The following ADGRV1 variants were observed in gnomAD, a reference collection of about 807,000 sequenced individuals.
The protein encoded by ADGRV1 is G-protein coupled receptor 98.
ADGRV1 carries 359 observed loss-of-function variants against 596.2 expected under a neutral mutation model. The observed-to-expected ratio is 0.60, with a 90% CI of 0.55 to 0.66. The LOEUF (loss-of-function observed/expected upper bound fraction) is 0.66. Among genes scored for constraint, ADGRV1 ranks in the 30% least tolerant of loss-of-function variants. ADGRV1 has a pLI of 0.00. For synonymous variants in ADGRV1, 2,681 were observed against 2,679.2 expected (o/e 1.00, Z -0.02); for missense variants, 7,274 against 7,575.6 (o/e 0.96, Z 1.48).
At chr5:90,721,576 T>TAAAAATAAAATAAAAATAAAATATAAA (rs1554094707) in intron 45 of ADGRV1, among the ~76,000 whole-genome samples, 77 of 119,920 alleles carry the variant, frequency 6.4e-4, no homozygotes, top group Non-Finnish European at 9.8e-4. Context: ...TAAAATAAAA[T>TAAAAATAAAATAAAAATAAAATATAAA]AAAATAAAAT....
chr5:90,936,301 CACAT>C (rs1359222256), intron 83 of ADGRV1, among the ~76,000 whole-genome samples: 1 of 152,104 alleles, frequency 6.6e-6, no homozygotes, highest in Admixed American at 6.5e-5. Flanking sequence ...CTCACACACA[CACAT>C]ACATGCACAT....
intron 83 of ADGRV1, among the ~76,000 whole-genome samples, chr5:90,915,939 T>C (rs1281340937): frequency 6.6e-6 from 1 of 152,112 alleles, no homozygotes; most frequent in Admixed American, 6.5e-5. Context: ...CCCTTGAAAG[T>C]TTTTGATCCC....
rs1219208338 is a variant in ADGRV1 at position 90,716,882 on chromosome 5, T to G, written c.9447+153T>G. The G allele has an allele frequency of 5.0e-6, 3 of 599,424 alleles. No individual in the cohort carries two copies. In the East Asian group the frequency reaches 8.3e-5, roughly 17 times the overall value. 37.1% of individuals were successfully genotyped at this position (599,424 alleles called of 1,614,324 possible). On this transcript the variant is annotated intron_variant, in intron 43 of 89. Coordinates refer to ENST00000405460, the MANE Select transcript of ADGRV1 (RefSeq NM_032119.4). ...CATGATTCATTTACTATGTGACAAG[T>G]GCTGTAGTTCTATTTACTCTGTATA...
chr5:90,845,804 T>G (rs891735648), intron 78 of ADGRV1, among the ~76,000 whole-genome samples: 1 of 152,226 alleles, frequency 6.6e-6, no homozygotes, highest in African/African-American at 2.4e-5. Flanking sequence ...TTTGTCAAGA[T>G]TTGTCCTACT....
At chr5:90,962,280 C>T (rs1477148784) in intron 83 of ADGRV1, among the ~76,000 whole-genome samples, 1 of 152,228 alleles carries the variant, frequency 6.6e-6, no homozygotes, top group African/African-American at 2.4e-5. Flanking sequence ...TGTACTTCAT[C>T]TTGCCCAGCA....
intron 85 of ADGRV1, among the ~76,000 whole-genome samples, chr5:91,069,210 C>G (rs1423151234): frequency 6.6e-6 from 1 of 152,162 alleles, no homozygotes; most frequent in Non-Finnish European, 1.5e-5. Flanking sequence ...CTAGGAAATA[C>G]CATTCTGGAC....
At chr5:90,673,791 G>A (rs1422602452) in intron 22 of ADGRV1, among the ~76,000 whole-genome samples, 1 of 152,044 alleles carries the variant, frequency 6.6e-6, no homozygotes, top group African/African-American at 2.4e-5. Flanking sequence ...GAATTTGGGG[G>A]ACAGGAGGAT....
At chr5:91,060,490 G>A (rs369501996) in intron 85 of ADGRV1, among the ~76,000 whole-genome samples, 40 of 151,520 alleles carry the variant, frequency 2.6e-4, no homozygotes, top group African/African-American at 9.0e-4. Context: ...TCAGCCTCCC[G>A]AAGTGCTGAG....
At chr5:90,987,800 A>G (rs1260132692) in intron 85 of ADGRV1, among the ~76,000 whole-genome samples, 1 of 151,984 alleles carries the variant, frequency 6.6e-6, no homozygotes, top group African/African-American at 2.4e-5. Flanking sequence ...GCTCTTCCCT[A>G]GAAGAATTTT....
In ADGRV1 at chr5:91,072,532, A is replaced by G; in HGVS notation, c.18238A>G (p.Ile6080Val). The change falls in exon 86 of 90, where the codon ATC (isoleucine) becomes GTC (valine). Residue 6080 changes from isoleucine (I) to valine (V), a missense_variant. Physicochemically the swap from Ile to Val is conservative, Grantham distance 29. This residue lies in a region of ADGRV1 where 1,874 missense variants were observed against 1,970.2 expected (regional missense o/e 0.95). Coordinates refer to ENST00000405460, the MANE Select transcript of ADGRV1 (RefSeq NM_032119.4). ...CCTCGTGGTGGTGTTCGTGGTGTTC[A>G]TCCATGCCTACCAGGTGAAGCCACA... ...TCLVVVFVVF[I>V]HAYQVKPQWK... 6.2e-7 allele frequency: 1 copy of G among 1,613,824 alleles called. No homozygotes were observed. Among genetic ancestry groups the G allele is most frequent in the Non-Finnish European group, 8.5e-7 (1 of 1,179,770 alleles).
chr5:90,775,846 C>T (rs574046572), intron 60 of ADGRV1, among the ~76,000 whole-genome samples: 2 of 152,044 alleles, frequency 1.3e-5, no homozygotes, highest in Non-Finnish European at 2.9e-5. Flanking sequence ...TAATCCATTG[C>T]CAAAGAAAGT....
At chr5:90,985,049 G>C (rs968126106) in intron 84 of ADGRV1, among the ~76,000 whole-genome samples, 1 of 152,200 alleles carries the variant, frequency 6.6e-6, no homozygotes, top group Non-Finnish European at 1.5e-5. Context: ...TTACAAAACA[G>C]TCATAGAAGA....
At chr5:90,795,544 G>A (rs557085053) in intron 70 of ADGRV1, among the ~76,000 whole-genome samples, 5 of 152,316 alleles carry the variant, frequency 3.3e-5, no homozygotes, top group Admixed American at 6.5e-5. Context: ...CAGAGCACCT[G>A]GGGGAAGGGG....
rs374516348 is a variant in ADGRV1 at position 90,959,905 on chromosome 5, T to C, written c.17857-5510T>C. Among the ~76,000 whole-genome samples, 144 of 152,136 alleles carry C rather than the reference T, an allele frequency of 9.5e-4. No individual in the cohort carries two copies. In the East Asian group the frequency reaches 0.01, roughly 11 times the overall value. On this transcript the variant is annotated intron_variant, in intron 83 of 89. Coordinates refer to ENST00000405460, the MANE Select transcript of ADGRV1 (RefSeq NM_032119.4). ...CTGTAATCCCAGCACTTTGGGAGGC[T>C]AAGGTGGGCAGATCACGAGGTCAGG... is the stretch of plus-strand genomic sequence containing the variant.
At chr5:90,925,451 A>T in intron 83 of ADGRV1, among the ~76,000 whole-genome samples, 1 of 152,132 alleles carries the variant, frequency 6.6e-6, no homozygotes, top group Non-Finnish European at 1.5e-5. Flanking sequence ...TTGGTGTATA[A>T]GAGTGCTTGT....
intron 82 of ADGRV1, among the ~76,000 whole-genome samples, chr5:90,863,476 G>A (rs76530777): frequency 6.6e-6 from 1 of 152,060 alleles, no homozygotes; most frequent in African/African-American, 2.4e-5. Flanking sequence ...ATAAAAAAGG[G>A]GTAATTACCA....
intron 85 of ADGRV1, among the ~76,000 whole-genome samples, chr5:91,012,777 A>G (rs1782831041): frequency 6.6e-6 from 1 of 152,008 alleles, no homozygotes; most frequent in South Asian, 2.1e-4. Context: ...GGTTTGTTAT[A>G]CAAGTAAATT....
chr5:90,680,743 C>T (rs570290852), intron 26 of ADGRV1, among the ~76,000 whole-genome samples: 2 of 152,232 alleles, frequency 1.3e-5, no homozygotes, highest in Non-Finnish European at 2.9e-5. Context: ...ATTAATGCAA[C>T]ATAAAATTTG....
At position 91,153,257 on chromosome 5, in the gene ADGRV1, G is replaced by A. The variant is rs763535809; in HGVS notation, c.18661G>A (p.Gly6221Ser). 6.2e-7 allele frequency: 1 copy of A among 1,608,660 alleles called. No homozygotes were observed. Among genetic ancestry groups the A allele is most frequent in the South Asian group, 1.1e-5 (1 of 89,788 alleles). ...PDWERASFQQ[G>S]SQASPDLKPS... is the part of the protein sequence containing the mutation. ...CTGGGAGAGAGCATCCTTCCAACAG[G>A]GCAGTCAGGCCAGCCCTGATTTAAA... The change falls in exon 89 of 90, where the codon GGC (glycine) becomes AGC (serine). Residue 6221 changes from glycine to serine, a missense_variant. By Grantham distance (56) the Gly-to-Ser change is moderately conservative. This residue lies in a region of ADGRV1 where 1,874 missense variants were observed against 1,970.2 expected (regional missense o/e 0.95). Coordinates refer to ENST00000405460, the MANE Select transcript of ADGRV1 (RefSeq NM_032119.4).
Sources: allele counts gnomAD v4.1 joint callset (sites outside exome capture counted in the v4.1 genomes callset), GRCh38; gene constraint gnomAD v4.1.1; regional missense constraint gnomAD v4.1.1; transcripts MANE v1.5; gene names NCBI Gene and HGNC (gene_info 2026-07-23, HGNC 2026-07-21).